The following GRID2 variants were observed in gnomAD, a reference collection of about 807,000 sequenced individuals.
GRID2 encodes glutamate receptor ionotropic, delta-2.
GRID2 carries 33 observed loss-of-function variants against 114.8 expected under a neutral mutation model. The observed-to-expected ratio is 0.29, with a 90% CI of 0.22 to 0.38. GRID2 has a LOEUF of 0.38. GRID2 is among the 10% of genes least tolerant of loss of function. The pLI, the probability that GRID2 is intolerant of heterozygous loss-of-function variation, is 1.00. For missense variants in GRID2, 1,184 were observed against 1,257.7 expected (o/e 0.94, Z 0.89); for synonymous variants, 505 against 449.9 (o/e 1.12, Z -1.55).
At chr4:93,565,522 C>T (rs1735325229) in intron 13 of GRID2, among the ~76,000 whole-genome samples, 1 of 151,926 alleles carries the variant, frequency 6.6e-6, no homozygotes, top group Non-Finnish European at 1.5e-5. Flanking sequence ...ATTTCTGTTG[C>T]ACGAAAAAAC....
chr4:93,576,891 G>A (rs1395919739), intron 13 of GRID2, among the ~76,000 whole-genome samples: 1 of 152,060 alleles, frequency 6.6e-6, no homozygotes, highest in Non-Finnish European at 1.5e-5. Context: ...AAAAGAAAGA[G>A]GACACAGTTT....
chr4:92,625,999 G>A (rs1463672771), intron 2 of GRID2, among the ~76,000 whole-genome samples: 2 of 151,652 alleles, frequency 1.3e-5, no homozygotes, highest in Non-Finnish European at 2.9e-5. Context: ...CTGATTTTTG[G>A]CATCAGGGAA....
chr4:92,450,753 G>T (rs138899883), intron 1 of GRID2, among the ~76,000 whole-genome samples: 1,848 of 150,420 alleles, frequency 0.012, 40 homozygotes, highest in African/African-American at 0.042. Context: ...ATGTTGATCT[G>T]TGTCAATCAA....
intron 3 of GRID2, among the ~76,000 whole-genome samples, chr4:93,097,316 A>G (rs1052682621): frequency 1.3e-5 from 2 of 151,524 alleles, no homozygotes; most frequent in African/African-American, 4.9e-5. Flanking sequence ...CCCATCAAAT[A>G]TTTGAAGACA....
chr4:92,961,560 CT>C (rs879471541), intron 2 of GRID2, among the ~76,000 whole-genome samples: 3 of 151,138 alleles, frequency 2.0e-5, no homozygotes, highest in Non-Finnish European at 3.0e-5. Flanking sequence ...TTAGTGAGTG[CT>C]TTTTTTCTTT....
intron 14 of GRID2, among the ~76,000 whole-genome samples, chr4:93,729,625 A>T (rs1301606020): frequency 6.6e-6 from 1 of 151,764 alleles, no homozygotes; most frequent in Non-Finnish European, 1.5e-5. Context: ...GGCTCACTGC[A>T]ATCTCCACCT....
intron 8 of GRID2, among the ~76,000 whole-genome samples, chr4:93,358,425 A>G (rs899519406): frequency 6.6e-6 from 1 of 151,930 alleles, no homozygotes; most frequent in African/African-American, 2.4e-5. Flanking sequence ...AAATAAACAA[A>G]TTGTATATAC....
intron 2 of GRID2, among the ~76,000 whole-genome samples, chr4:92,732,188 G>T (rs1374624655): frequency 6.6e-6 from 1 of 151,866 alleles, no homozygotes; most frequent in Non-Finnish European, 1.5e-5. Flanking sequence ...AGGAGTAAAT[G>T]TGAAAATGGA....
At chr4:92,696,524 T>C (rs565594737) in intron 2 of GRID2, among the ~76,000 whole-genome samples, 3 of 152,254 alleles carry the variant, frequency 2.0e-5, no homozygotes, top group East Asian at 3.9e-4. Flanking sequence ...TTAGTAAATA[T>C]ATAGTTGCCT....
chr4:93,013,747 TC>T (rs1000487654), intron 2 of GRID2, among the ~76,000 whole-genome samples: 4 of 151,998 alleles, frequency 2.6e-5, no homozygotes, highest in African/African-American at 9.7e-5. Flanking sequence ...TACTTCTTAA[TC>T]ATTCTTAATC....
chr4:92,572,590 A>C (rs1727684233), intron 1 of GRID2, among the ~76,000 whole-genome samples: 2 of 152,076 alleles, frequency 1.3e-5, no homozygotes, highest in Admixed American at 6.6e-5. Flanking sequence ...AAAAAAAGAG[A>C]ATTTTAGACA....
intron 1 of GRID2, among the ~76,000 whole-genome samples, chr4:93,804,404 CT>C (rs1391492311): frequency 2.0e-5 from 3 of 152,116 alleles, no homozygotes; most frequent in Admixed American, 2.0e-4. Flanking sequence ...TAACCTATTG[CT>C]CTGAGGCTAC....
At chr4:93,734,736 G>A (rs1730779483) in intron 14 of GRID2, among the ~76,000 whole-genome samples, 2 of 151,918 alleles carry the variant, frequency 1.3e-5, no homozygotes, top group Non-Finnish European at 2.9e-5. Flanking sequence ...AAATAAAAAT[G>A]CCAGGATGGT....
At position 92,608,474 on chromosome 4, in the gene GRID2, G is replaced by T. The variant is rs539198696; in HGVS notation, c.244+18188G>T. Among the ~76,000 whole-genome samples the T allele has an allele frequency of 3.9e-5, 6 of 151,922 alleles. No individual in the cohort carries two copies. In the East Asian group the frequency reaches 1.2e-3, roughly 29 times the overall value. ...AAAATAATTATTCTACATCTTCAATGGAGTAATTGCTTTTCACATTAAAGA... is the reference window on the plus strand; with the variant it reads ...AAAATAATTATTCTACATCTTCAATTGAGTAATTGCTTTTCACATTAAAGA... On this transcript the variant is annotated intron_variant, in intron 2 of 15. Transcript: ENST00000282020.
In GRID2 at chr4:93,228,255, T is replaced by C. The variant is rs188512900; in HGVS notation, c.1125+3480T>C. Among the ~76,000 whole-genome samples the C allele has an allele frequency of 4.8e-4, 73 of 152,182 alleles. 1 individual carries two copies. The Middle Eastern group carries it at 0.01, about 21-fold the overall frequency. On this transcript the variant is annotated intron_variant, in intron 7 of 15. Transcript: ENST00000282020. Reference sequence around the variant, plus strand: ...CCAAGGGCTTGGAGCTGGCATCTGATAAGGGTTATCCTAGGTGAAAGGACA... The same window carrying C: ...CCAAGGGCTTGGAGCTGGCATCTGACAAGGGTTATCCTAGGTGAAAGGACA...
intron 4 of GRID2, among the ~76,000 whole-genome samples, chr4:93,176,539 C>T (rs1739359294): frequency 6.6e-6 from 1 of 152,092 alleles, no homozygotes; most frequent in Admixed American, 6.6e-5. Flanking sequence ...AGTAGAGGTT[C>T]CTAGTGGGAG....
intron 4 of GRID2, among the ~76,000 whole-genome samples, chr4:93,149,075 A>G (rs1736503778): frequency 6.6e-6 from 1 of 152,158 alleles, no homozygotes; most frequent in African/African-American, 2.4e-5. Flanking sequence ...CACAGTCCTG[A>G]GGAAATTATG....
intron 2 of GRID2, among the ~76,000 whole-genome samples, chr4:93,035,874 C>G (rs1469208403): frequency 6.6e-6 from 1 of 152,134 alleles, no homozygotes; most frequent in Non-Finnish European, 1.5e-5. Context: ...GTGTTTTACT[C>G]CTTGGTAGCC....
chr4:93,207,625 T>C (rs1742964975), intron 5 of GRID2, among the ~76,000 whole-genome samples, 168 bp downstream of exon 5: 1 of 152,022 alleles, frequency 6.6e-6, no homozygotes, highest in Non-Finnish European at 1.5e-5. Context: ...TTTTTAAAAA[T>C]GATAAAGGGT....
Sources: allele counts gnomAD v4.1 joint callset (sites outside exome capture counted in the v4.1 genomes callset), GRCh38; gene constraint gnomAD v4.1.1; transcripts MANE v1.5; gene names NCBI Gene and HGNC (gene_info 2026-07-23, HGNC 2026-07-21).